USP14: variants seen among roughly 807,000 people sequenced by gnomAD.
The protein encoded by USP14 is ubiquitin specific peptidase 14.
Under a neutral mutation model 76.5 loss-of-function variants are expected in USP14, and 38 were observed. The ratio of observed to expected loss-of-function variants is 0.50; its 90% CI spans 0.38 to 0.65. USP14 has a LOEUF of 0.65. Ranked by LOEUF, USP14 falls within the 30% of genes least tolerant of loss-of-function variation. The probability of loss-of-function intolerance (pLI) is 0.00; values close to 1 mark genes in which losing one functional copy is unlikely to be tolerated. For synonymous variants in USP14, 192 were observed against 191.7 expected, an observed-to-expected ratio of 1.00 and a Z score of -0.01; for missense variants, 467 against 586.5, an observed-to-expected ratio of 0.80 and a Z score of 2.10.
chr18:184,822 G>A (rs1268335777), intron 5 of USP14, among the ~76,000 whole-genome samples: 1 of 152,000 alleles, frequency 6.6e-6, no homozygotes, highest in Non-Finnish European at 1.5e-5. Flanking sequence ...GAGGGTAGAA[G>A]GAAAGTGTGT....
At chr18:160,873 G>A (rs576201511) in intron 1 of USP14, among the ~76,000 whole-genome samples, 2 of 152,240 alleles carry the variant, frequency 1.3e-5, no homozygotes, top group East Asian at 1.9e-4. Context: ...CTTTATGACA[G>A]CCTTTCAGGA....
intron 1 of USP14, among the ~76,000 whole-genome samples, chr18:162,005 A>G (rs1418584849): frequency 6.6e-6 from 1 of 152,200 alleles, no homozygotes; most frequent in Non-Finnish European, 1.5e-5. Flanking sequence ...TTTTGTATGT[A>G]TGAATTTGAC....
At chr18:163,691 T>C (rs1568414692) in intron 2 of USP14, among the ~76,000 whole-genome samples, 1 of 152,208 alleles carries the variant, frequency 6.6e-6, no homozygotes, top group South Asian at 2.1e-4. Flanking sequence ...CTTTTTACTT[T>C]TGTTTATTTT....
intron 6 of USP14, 97 bp from the exon 7 acceptor site, chr18:196,540 A>G: frequency 7.3e-7 from 1 of 1,377,394 alleles, no homozygotes. Flanking sequence ...AAAAAAAATT[A>G]AGTAAGTTTT....
intron 3 of USP14, among the ~76,000 whole-genome samples, chr18:178,282 G>GC (rs1350446605): frequency 1.3e-5 from 2 of 152,098 alleles, no homozygotes; most frequent in Non-Finnish European, 1.5e-5. Flanking sequence ...CTCCCAAAGT[G>GC]CTAGGATTAC....
At chr18:196,517 C>G in intron 6 of USP14, 120 bp from the exon 7 acceptor site, 1 of 1,135,844 alleles carries the variant, frequency 8.8e-7, no homozygotes. Flanking sequence ...GACCAAGACT[C>G]CATCTCAAAA....
chr18:170,789 T>C (rs1174629299), intron 3 of USP14, among the ~76,000 whole-genome samples: 1 of 151,824 alleles, frequency 6.6e-6, no homozygotes, highest in African/African-American at 2.4e-5. Flanking sequence ...TTGTCACTTG[T>C]AAGTGGGAGC....
In USP14 at chr18:214,254, G is replaced by C. The variant is rs536729329; in HGVS notation, c.*2970G>C. On this transcript the variant is annotated 3_prime_UTR_variant, in exon 16 of 16. Coordinates refer to ENST00000261601, the MANE Select transcript of USP14 (RefSeq NM_005151.4). ...AGAACAGAGCAGTCATATGGTTTCAGAAAGTGTTATTCTGGGATTTCAGGA... is the reference window on the plus strand; with the variant it reads ...AGAACAGAGCAGTCATATGGTTTCACAAAGTGTTATTCTGGGATTTCAGGA... 5.2e-6 allele frequency: 1 copy of C among 191,626 alleles called. No homozygotes were observed. Among genetic ancestry groups the C allele is most frequent in the African/African-American group, 2.4e-5 (1 of 41,934 alleles). The allele number at this position is 191,626 out of a possible 1,614,324, so 11.9% of individuals were successfully genotyped here.
chr18:204,099 T>C (rs1281237441), intron 12 of USP14, among the ~76,000 whole-genome samples: 2 of 152,138 alleles, frequency 1.3e-5, no homozygotes, highest in Admixed American at 6.5e-5. Context: ...AGGTTAAATG[T>C]AGTTGAAGTA....
intron 2 of USP14, 50 bp downstream of exon 2, chr18:163,503 T>G: frequency 1.3e-6 from 2 of 1,548,218 alleles, no homozygotes; most frequent in Non-Finnish European, 1.7e-6. Flanking sequence ...GTATACTTTT[T>G]GAAAAATAAC....
rs200432904 is a variant in USP14, at chr18:182,228, G to A, written c.404+1889G>A. ...ACAAATAAGGGCCCTTTCTTCCGGT[G>A]AGTATAAGTGTAACTTAAAAAATAT... On this transcript the variant is annotated intron_variant, in intron 5 of 15. Transcript: ENST00000261601. Among the ~76,000 whole-genome samples the A allele has an allele frequency of 4.4e-4, 67 of 152,290 alleles. 1 individual carries two copies. In the East Asian group the frequency reaches 0.011, roughly 25 times the overall value.
At position 198,144 on chromosome 18, in the gene USP14, A is replaced by G; in HGVS notation, c.761+12A>G. 6.3e-7 allele frequency: 1 copy of G among 1,598,154 alleles called. No individual in the cohort carries two copies. Among genetic ancestry groups the G allele is most frequent in the Non-Finnish European group, 8.5e-7 (1 of 1,169,998 alleles). On this transcript the variant is annotated intron_variant, in intron 9 of 15. Transcript: ENST00000261601. ...GAGTTTGAAACTACGTATCCTTATG[A>G]GCCAAGATATAGACTATACTCATAC... is the stretch of plus-strand genomic sequence containing the variant.
At position 198,112 on chromosome 18, in the gene USP14, C is replaced by T. The variant is rs189562044; in HGVS notation, c.741C>T (p.Phe247=). ...AGAAAAGTTTAATCGATCAGTTCTTCGGTGTTGAGTTTGAAACTACGTATC... is the reference window on the plus strand; with the variant it reads ...AGAAAAGTTTAATCGATCAGTTCTTTGGTGTTGAGTTTGAAACTACGTATC... ...SKKKSLIDQF[F]GVEFETTMKC... Residue 247 remains phenylalanine, a synonymous_variant, in exon 9 of 16, where the codon TTC becomes TTT. Transcript: ENST00000261601. 2.0e-5 allele frequency: 32 copies of T among 1,609,050 alleles called. No individual in the cohort carries two copies. Among genetic ancestry groups the T allele is most frequent in the East Asian group, 2.2e-5 (1 of 44,860 alleles).
chr18:161,912 A>G (rs1909130687), intron 1 of USP14, among the ~76,000 whole-genome samples: 1 of 152,208 alleles, frequency 6.6e-6, no homozygotes, highest in South Asian at 2.1e-4. Flanking sequence ...ATTTTTACGT[A>G]TACAGTTCTA....
rs1172180469 is a variant in USP14, at chr18:199,218, T to A, written c.778T>A (p.Ser260Thr). 2.5e-6 allele frequency: 4 copies of A among 1,613,222 alleles called. No homozygotes were observed. Among genetic ancestry groups the A allele is most frequent in the Non-Finnish European group, 3.4e-6 (4 of 1,179,240 alleles). Residue 260 changes from serine to threonine, a missense_variant, in exon 10 of 16, where the codon TCT becomes ACT. Ser to Thr is a moderately conservative substitution (Grantham distance 58). Coordinates refer to ENST00000261601, the MANE Select transcript of USP14 (RefSeq NM_005151.4). ...TTTACAAAGCATGAAATGTACAGAA[T>A]CTGAAGAAGAAGAAGTCACCAAAGG... ...EFETTMKCTE[S>T]EEEEVTKGKE...
chr18:191,490 C>A (rs1410390422), intron 5 of USP14, among the ~76,000 whole-genome samples: 2 of 152,128 alleles, frequency 1.3e-5, no homozygotes, highest in African/African-American at 2.4e-5. Flanking sequence ...TTGACAAATG[C>A]AAATTCTCTG....
intron 1 of USP14, among the ~76,000 whole-genome samples, chr18:161,836 T>G (rs1909128010): frequency 6.6e-6 from 1 of 152,198 alleles, no homozygotes; most frequent in Admixed American, 6.5e-5. Flanking sequence ...AGTTAGCTAT[T>G]TTATGAGGCT....
rs1334489998 is a variant in USP14 at position 199,229 on chromosome 18, A to G, written c.789A>G (p.Glu263=). 2.0e-5 allele frequency: 32 copies of G among 1,613,906 alleles called. No individual in the cohort carries two copies. The highest frequency in any genetic ancestry group is 2.7e-5 in the Non-Finnish European group (32 of 1,179,804). ...TGAAATGTACAGAATCTGAAGAAGA[A>G]GAAGTCACCAAAGGAAAGGAAAATC... The part of the protein sequence containing the change: ...TTMKCTESEE[E]EVTKGKENQL... The change falls in exon 10 of 16, where the codon GAA becomes GAG. Residue 263 remains glutamate (E), a synonymous_variant. Transcript: ENST00000261601.
intron 4 of USP14, 147 bp from the exon 5 acceptor site, chr18:180,088 TC>T: frequency 2.1e-6 from 1 of 472,788 alleles, no homozygotes; most frequent in Non-Finnish European, 3.7e-6. Flanking sequence ...TAAAACTGTT[TC>T]TTTAGCGTGA....
Sources: allele counts gnomAD v4.1 joint callset (sites outside exome capture counted in the v4.1 genomes callset), GRCh38; gene constraint gnomAD v4.1.1; transcripts MANE v1.5; gene names NCBI Gene and HGNC (gene_info 2026-07-23, HGNC 2026-07-21).